Variants in SLC45A4 observed in about 807,000 individuals in gnomAD.
SLC45A4 encodes polyamine-transporter SLC45A4.
In SLC45A4, 32 loss-of-function variants were observed where a neutral mutation model predicts 63.7. That is an observed-to-expected ratio of 0.50 (90% confidence interval 0.38 to 0.67). The LOEUF (loss-of-function observed/expected upper bound fraction) is 0.67. Among genes scored for constraint, SLC45A4 ranks in the 30% least tolerant of loss-of-function variants. The pLI is 0.00. For missense variants in SLC45A4, 1,027 were observed against 1,157.7 expected, an observed-to-expected ratio of 0.89 and a Z score of 1.64; for synonymous variants, 535 against 510.0, an observed-to-expected ratio of 1.05 and a Z score of -0.66.
intron 3 of SLC45A4, among the ~76,000 whole-genome samples, chr8:141,220,777 G>C (rs929196511): frequency 2.6e-5 from 4 of 152,240 alleles, no homozygotes; most frequent in Admixed American, 2.6e-4. Flanking sequence ...TCACATTTGG[G>C]CAGGACCACC....
intron 7 of SLC45A4, among the ~76,000 whole-genome samples, 182 bp from the exon 8 acceptor site, chr8:141,212,738 G>A (rs967905338): frequency 6.6e-6 from 1 of 152,208 alleles, no homozygotes. Flanking sequence ...CTGTACAGGC[G>A]GAAGAGGTGG....
In SLC45A4 at chr8:141,229,391, G is replaced by A. The variant is rs928856011; in HGVS notation, c.242-7626C>T. ...TCCCTCTCCACACCAGACTCCAACC[G>A]CCCACCCCACCCTACCTCCTCTTCT... On this transcript the variant is annotated intron_variant, in intron 2 of 8. Transcript: ENST00000517878. This position sits in a 1 kb window ranked among gnomAD's most constrained non-coding sequence, Gnocchi z 5.0. Among the ~76,000 whole-genome samples the A allele has an allele frequency of 1.3e-5, 2 of 151,760 alleles. No homozygotes were observed. Among genetic ancestry groups the A allele is most frequent in the African/African-American group, 4.8e-5 (2 of 41,298 alleles).
rs540952070 is a variant in SLC45A4, at chr8:141,218,732, A to G, written c.908T>C (p.Met303Thr). 16 of 1,611,434 alleles carry G rather than the reference A, an allele frequency of 9.9e-6. No homozygotes were observed. The highest frequency in any genetic ancestry group is 8.8e-5 in the South Asian group (8 of 91,006). The part of the protein sequence containing the change: ...LALDYPDVDI[M>T]RSKSDSALHV... ...CAATGCCGAGTCGCTTTTGCTGCGC[A>G]TGATGTCCACGTCCGGGTAGTCCAG... The change falls in exon 5 of 9, where the codon ATG (methionine) becomes ACG (threonine). Residue 303 changes from methionine to threonine, a missense_variant. Coordinates refer to ENST00000517878, the MANE Select transcript of SLC45A4 (RefSeq NM_001286646.2).
rs1490161745 is a variant in SLC45A4, at chr8:141,227,012, G to A, written c.242-5247C>T. On this transcript the variant is annotated intron_variant, in intron 2 of 8. Transcript: ENST00000517878. The surrounding 1 kb of genome is among the most constrained non-coding windows in gnomAD (Gnocchi z 4.4). ...TCGCAGGTCCTGCTCTGACGTCCCC[G>A]GCGGTGAGAACTCGGTCTCCCCCGT... 1.3e-5 allele frequency: 2 copies of A among 152,228 alleles called. No homozygotes were observed. Among genetic ancestry groups the A allele is most frequent in the East Asian group, 1.9e-4 (1 of 5,200 alleles). 9.4% of individuals were successfully genotyped at this position (152,228 alleles called of 1,614,324 possible). A position where few individuals can be genotyped will look rare whatever the true frequency, so the allele number is the denominator to read the frequency against.
At chr8:141,234,375 G>T (rs934557230) in intron 2 of SLC45A4, among the ~76,000 whole-genome samples, 11 of 152,242 alleles carry the variant, frequency 7.2e-5, no homozygotes, top group Admixed American at 7.2e-4. Context: ...AGGACTGAAG[G>T]GTGCGGGGTG....
At chr8:141,275,627 A>C (rs909035270) in intron 1 of SLC45A4, among the ~76,000 whole-genome samples, 3 of 152,028 alleles carry the variant, frequency 2.0e-5, no homozygotes, top group Non-Finnish European at 4.4e-5. Flanking sequence ...AAAAACAACA[A>C]CAACCATGAA....
At chr8:141,270,625 C>T (rs1381656052) in intron 1 of SLC45A4, among the ~76,000 whole-genome samples, 7 of 152,094 alleles carry the variant, frequency 4.6e-5, no homozygotes, top group South Asian at 2.1e-4. Flanking sequence ...GAGCCAAGAT[C>T]GCATCGCTGC....
chr8:141,265,854 C>T (rs1040503607), intron 1 of SLC45A4, among the ~76,000 whole-genome samples: 7 of 152,300 alleles, frequency 4.6e-5, no homozygotes, highest in African/African-American at 1.2e-4. Context: ...CAGCGACTGT[C>T]GGGGCATTCG....
chr8:141,298,155 C>A (rs953381429), intron 1 of SLC45A4, among the ~76,000 whole-genome samples: 2 of 152,240 alleles, frequency 1.3e-5, no homozygotes, highest in African/African-American at 4.8e-5. Flanking sequence ...AAACTCAGTT[C>A]AAAGACTAGT....
chr8:141,239,349 T>C (rs925274327), intron 2 of SLC45A4, among the ~76,000 whole-genome samples: 8 of 152,150 alleles, frequency 5.3e-5, no homozygotes, highest in African/African-American at 1.9e-4. Context: ...CAGAGTGTCA[T>C]TACACACAGA....
Position 141,221,558 on chromosome 8 carries a change from G to A in SLC45A4, c.430+19C>T, listed in dbSNP as rs190966561. The stretch of plus-strand genomic sequence containing the variant: ...CCCGTCTGTGTTGTGAGGACACCAG[G>A]TGTGGCCGAGAAACTTACCGATGGC... On this transcript the variant is annotated intron_variant, in intron 3 of 8. Transcript: ENST00000517878. 3 of 1,608,190 alleles carry A rather than the reference G, an allele frequency of 1.9e-6. No homozygotes were observed. The highest frequency in any genetic ancestry group is 1.7e-6 in the Non-Finnish European group (2 of 1,177,560).
At chr8:141,299,055 G>A (rs771990874) in intron 1 of SLC45A4, among the ~76,000 whole-genome samples, 10 of 152,142 alleles carry the variant, frequency 6.6e-5, no homozygotes, top group Non-Finnish European at 1.2e-4. Context: ...TGCAGATGCC[G>A]CACTGTCTAG....
Position 141,215,235 on chromosome 8 carries a change from C to CA in SLC45A4, c.1941+523dup, listed in dbSNP as rs1240981675. Among the ~76,000 whole-genome samples, 1 of 152,218 alleles carries CA rather than the reference C, an allele frequency of 6.6e-6. No homozygotes were observed. Among genetic ancestry groups the CA allele is most frequent in the East Asian group, 1.9e-4 (1 of 5,198 alleles). On this transcript the variant is annotated intron_variant, in intron 7 of 8. Transcript: ENST00000517878. This position sits in a 1 kb window ranked among gnomAD's most constrained non-coding sequence, Gnocchi z 4.3. ...GATGTGCTGTGATGTAACATACACA[C>CA]AATTTCAACGATGAGCAAGAGTGTA...
intron 1 of SLC45A4, among the ~76,000 whole-genome samples, chr8:141,294,746 C>A (rs553404982): frequency 3.3e-5 from 5 of 152,234 alleles, no homozygotes; most frequent in Admixed American, 3.3e-4. Context: ...GAGAGGGGAG[C>A]GGCGGTGCTG....
intron 2 of SLC45A4, among the ~76,000 whole-genome samples, chr8:141,253,720 C>T (rs1301223072): frequency 6.6e-6 from 1 of 152,220 alleles, no homozygotes; most frequent in African/African-American, 2.4e-5. Context: ...CAGTACTTAT[C>T]AGTGCCAATT....
rs1390010718 is a variant in SLC45A4, at chr8:141,254,647, A to G, written c.-400-18T>C. On this transcript the variant is annotated intron_variant, in intron 1 of 8. Transcript: ENST00000517878. The surrounding 1 kb of genome is among the most constrained non-coding windows in gnomAD (Gnocchi z 4.5). ...TGGATGATCTGCAAAAGAGGAAAAC[A>G]ACCCGGCCAGAGAGTCAGGGGACGG... 2.9e-6 allele frequency: 2 copies of G among 696,994 alleles called. No homozygotes were observed. The highest frequency in any genetic ancestry group is 5.2e-6 in the Non-Finnish European group (2 of 381,826). 43.2% of individuals were successfully genotyped at this position (696,994 alleles called of 1,614,324 possible).
At chr8:141,270,786 C>T (rs534307708) in intron 1 of SLC45A4, among the ~76,000 whole-genome samples, 3 of 152,240 alleles carry the variant, frequency 2.0e-5, no homozygotes, top group East Asian at 1.9e-4. Flanking sequence ...CCAAAGGGCC[C>T]TTCCCCCAGC....
chr8:141,260,464 AGTATCT>A (rs1828999339), intron 1 of SLC45A4, among the ~76,000 whole-genome samples: 2 of 152,222 alleles, frequency 1.3e-5, no homozygotes, highest in African/African-American at 4.8e-5. Flanking sequence ...TTTTAAAGTG[AGTATCT>A]TGAAGACAAC....
intron 1 of SLC45A4, among the ~76,000 whole-genome samples, chr8:141,273,466 G>A (rs13253108): frequency 0.29 from 44,260 of 151,994 alleles, 6,987 homozygotes; most frequent in Non-Finnish European, 0.36. Context: ...CCTCTGAGTC[G>A]CGGTTACTTT....
Sources: allele counts gnomAD v4.1 joint callset (sites outside exome capture counted in the v4.1 genomes callset), GRCh38; gene constraint gnomAD v4.1.1; non-coding constraint Gnocchi (gnomAD v3.1); transcripts MANE v1.5; gene names NCBI Gene and HGNC (gene_info 2026-07-23, HGNC 2026-07-21).